Variants in PDIA6 observed in about 807,000 individuals in gnomAD.
PDIA6 encodes the protein protein disulfide-isomerase A6.
A neutral mutation model predicts 58.4 loss-of-function variants in PDIA6; 29 were observed. That is an observed-to-expected ratio of 0.50 (90% CI 0.37 to 0.68). The LOEUF (loss-of-function observed/expected upper bound fraction) is 0.68. Ranked by LOEUF, PDIA6 falls within the 30% of genes least tolerant of loss-of-function variation. The pLI is 0.00. For synonymous variants in PDIA6, 192 were observed against 202.6 expected, an observed-to-expected ratio of 0.95 and a Z score of 0.44; for missense variants, 480 against 551.0, an observed-to-expected ratio of 0.87 and a Z score of 1.29.
At chr2:10,799,210 T>TTTTTAC (rs1250642389) in intron 2 of PDIA6, among the ~76,000 whole-genome samples, 4 of 151,998 alleles carry the variant, frequency 2.6e-5, no homozygotes, top group Non-Finnish European at 5.9e-5. Flanking sequence ...TTTATTTTTA[T>TTTTTAC]TGCTGTGTAA....
chr2:10,798,835 T>A (rs1558446806), intron 2 of PDIA6, among the ~76,000 whole-genome samples: 1 of 152,202 alleles, frequency 6.6e-6, no homozygotes, highest in African/African-American at 2.4e-5. Context: ...TCCAACTTTT[T>A]AATTTTATAT....
chr2:10,831,181 G>T (rs1471219071), intron 1 of PDIA6, among the ~76,000 whole-genome samples: 5 of 152,202 alleles, frequency 3.3e-5, no homozygotes, highest in Non-Finnish European at 7.3e-5. Flanking sequence ...CTGTGATAGG[G>T]CGGGCGTTGA....
At chr2:10,802,379 C>T (rs938624789) in intron 2 of PDIA6, 120 bp downstream of exon 2, 4 of 567,484 alleles carry the variant, frequency 7.0e-6, no homozygotes, top group Non-Finnish European at 1.1e-5. Context: ...CTCTTCTCTA[C>T]TTCTTTTAAA....
chr2:10,795,457 GACA>G (rs779126272), intron 4 of PDIA6, among the ~76,000 whole-genome samples: 1 of 150,086 alleles, frequency 6.7e-6, no homozygotes, highest in Non-Finnish European at 1.5e-5. Flanking sequence ...GCCTAGCAGA[GACA>G]ACGTGTCCAA....
At chr2:10,825,252 CTCTG>C (rs1489605433) in intron 1 of PDIA6, among the ~76,000 whole-genome samples, 1 of 55,050 alleles carries the variant, frequency 1.8e-5, no homozygotes, top group Non-Finnish European at 4.2e-5. Flanking sequence ...TCCTCTCTCT[CTCTG>C]TCTCTCTCTG....
intron 11 of PDIA6, among the ~76,000 whole-genome samples, chr2:10,786,928 A>G (rs1475537942): frequency 6.6e-6 from 1 of 152,214 alleles, no homozygotes; most frequent in African/African-American, 2.4e-5. Context: ...CCCAAGGTCA[A>G]GATTACAATG....
At chr2:10,834,518 G>T (rs933070848), upstream of PDIA6, among the ~76,000 whole-genome samples, 1 of 152,012 alleles carries the variant, frequency 6.6e-6, no homozygotes, top group African/African-American at 2.4e-5. Context: ...GTCCCTGAGC[G>T]CCTGGCAGGA....
At chr2:10,809,906 G>A (rs1443340174) in intron 1 of PDIA6, among the ~76,000 whole-genome samples, 2 of 152,146 alleles carry the variant, frequency 1.3e-5, no homozygotes, top group Non-Finnish European at 2.9e-5. Context: ...ACTACTGACT[G>A]AATTTTGATT....
chr2:10,829,608 T>C (rs1667648892), intron 1 of PDIA6, among the ~76,000 whole-genome samples: 1 of 152,204 alleles, frequency 6.6e-6, no homozygotes, highest in Non-Finnish European at 1.5e-5. Context: ...CCTGCCAAAT[T>C]TGAAACCTAA....
rs146138860 is a variant in PDIA6 at position 10,799,505 on chromosome 2, C to T, written c.162-1748G>A. ...GAGCTGCCTGACAAGTTTTTGATTC[C>T]AAACACTACAATCATACAGGTAGAA... On this transcript the variant is annotated intron_variant, in intron 2 of 12. Transcript: ENST00000272227. Among the ~76,000 whole-genome samples, 4 of 152,246 alleles carry T rather than the reference C, an allele frequency of 2.6e-5. No homozygotes were observed. The East Asian group carries it at 7.7e-4, about 29-fold the overall frequency.
chr2:10,802,594 G>T lies in PDIA6; in HGVS notation c.66C>A (p.Ser22=). 1 of 1,495,398 alleles carries T rather than the reference G, an allele frequency of 6.7e-7. No individual in the cohort carries two copies. Among genetic ancestry groups the T allele is most frequent in the Non-Finnish European group, 8.9e-7 (1 of 1,123,886 alleles). 92.6% of individuals were successfully genotyped at this position (1,495,398 alleles called of 1,614,324 possible). A position where few individuals can be genotyped will look rare whatever the true frequency, so the allele number is the denominator to read the frequency against. Residue 22 remains serine, a synonymous_variant, in exon 2 of 13, where the codon TCC becomes TCA. Transcript: ENST00000272227. The part of the protein sequence containing the change: ...TFFLAVNGLY[S]SSDDVIELTP... ...TTAATTCGATCACATCATCACTAGA[G>T]GAATACAGACCATTCACTGCCAGAA... is the stretch of plus-strand genomic sequence containing the variant.
intron 5 of PDIA6, among the ~76,000 whole-genome samples, 198 bp downstream of exon 5, chr2:10,792,898 C>T (rs17365015): frequency 0.083 from 12,559 of 152,222 alleles, 658 homozygotes; most frequent in South Asian, 0.15. Context: ...CTGGCTTTGG[C>T]AACAGCAATT....
intron 2 of PDIA6, 59 bp downstream of exon 2, chr2:10,802,440 C>T (rs1666551146): frequency 2.8e-6 from 3 of 1,074,702 alleles, no homozygotes; most frequent in Admixed American, 3.1e-5. Flanking sequence ...TTTTATACAG[C>T]GTTTTCTCCA....
At chr2:10,795,982 A>G (rs924857344) in intron 4 of PDIA6, among the ~76,000 whole-genome samples, 2 of 152,208 alleles carry the variant, frequency 1.3e-5, no homozygotes, top group Non-Finnish European at 2.9e-5. Flanking sequence ...ATTATGCCCA[A>G]TACTTTTACT....
intron 5 of PDIA6, 91 bp downstream of exon 5, chr2:10,793,005 A>T: frequency 2.4e-6 from 2 of 822,736 alleles, no homozygotes; most frequent in Admixed American, 4.1e-5. Context: ...CACCACTTTA[A>T]CATACTGTTA....
At chr2:10,789,978 T>C (rs1665957490) in intron 7 of PDIA6, 89 bp from the exon 8 acceptor site, 9 of 1,129,380 alleles carry the variant, frequency 8.0e-6, no homozygotes, top group Non-Finnish European at 9.8e-6. Context: ...ACCTTATAGG[T>C]AATTTTTTTT....
intron 12 of PDIA6, 109 bp downstream of exon 12, chr2:10,784,825 C>G: frequency 1.3e-6 from 1 of 773,660 alleles, no homozygotes. Context: ...CACGGGTGCA[C>G]CAGGGCTGAG....
intron 4 of PDIA6, 45 bp downstream of exon 4, chr2:10,797,036 G>C: frequency 6.3e-7 from 1 of 1,581,366 alleles, no homozygotes; most frequent in Non-Finnish European, 8.7e-7. Context: ...AGAACAGTAG[G>C]TTCTTGTCTA....
At chr2:10,793,068 A>C (rs776905480) in intron 5 of PDIA6, 28 bp downstream of exon 5, 61 of 1,480,064 alleles carry the variant, frequency 4.1e-5, no homozygotes, top group Non-Finnish European at 4.8e-5. Context: ...ATTATGACAC[A>C]TTAAAAACTG....
Sources: gnomAD v4.1 joint callset for allele counts (sites outside exome capture counted in the v4.1 genomes callset) on GRCh38, gnomAD v4.1.1 for gene constraint, MANE v1.5 for transcripts, NCBI Gene and HGNC (gene_info 2026-07-23, HGNC 2026-07-21) for gene names.